Variants in BIRC6 observed in about 807,000 individuals in gnomAD.
BIRC6 encodes the protein dual E2 ubiquitin-conjugating enzyme/E3 ubiquitin-protein ligase BIRC6.
BIRC6 carries 98 observed loss-of-function variants against 503.3 expected under a neutral mutation model. The ratio of observed to expected loss-of-function variants is 0.19; its 90% confidence interval spans 0.17 to 0.23. The LOEUF is 0.23. Among genes scored for constraint, BIRC6 ranks in the 10% least tolerant of loss-of-function variants. The pLI is 1.00. For missense variants in BIRC6, 5,360 were observed against 5,806.0 expected, an observed-to-expected ratio of 0.92 and a Z score of 2.50; for synonymous variants, 2,240 against 2,078.7, an observed-to-expected ratio of 1.08 and a Z score of -2.11.
chr2:32,426,113 G>A (rs912043502), intron 10 of BIRC6, among the ~76,000 whole-genome samples: 22 of 152,236 alleles, frequency 1.4e-4, no homozygotes, highest in African/African-American at 5.3e-4. Context: ...TTCCTACTCT[G>A]CCATTTGGCA....
At chr2:32,485,000 A>T (rs2050833715) in intron 39 of BIRC6, among the ~76,000 whole-genome samples, 2 of 152,288 alleles carry the variant, frequency 1.3e-5, no homozygotes, top group South Asian at 4.1e-4. Flanking sequence ...CTCTGGCAAA[A>T]CATGATAGCC....
At chr2:32,460,998 C>CTTCTCTTCTCTTCTCT (rs1558788701) in intron 23 of BIRC6, among the ~76,000 whole-genome samples, 92 of 88,736 alleles carry the variant, frequency 1.0e-3, no homozygotes, top group Non-Finnish European at 1.8e-3. Context: ...CTCTGCTCTG[C>CTTCTCTTCTCTTCTCT]TCTCTTCTCT....
At chr2:32,407,958 T>G (rs1018051105) in intron 9 of BIRC6, among the ~76,000 whole-genome samples, 1 of 152,052 alleles carries the variant, frequency 6.6e-6, no homozygotes, top group Non-Finnish European at 1.5e-5. Flanking sequence ...ACATTTTCTT[T>G]CTTTGTTTCT....
chr2:32,551,385 C>T (rs926898079), intron 65 of BIRC6, among the ~76,000 whole-genome samples: 6 of 152,120 alleles, frequency 3.9e-5, no homozygotes, highest in Non-Finnish European at 7.4e-5. Context: ...CAGGTTCAAG[C>T]AATTCTCCTG....
chr2:32,471,135 G>A lies in BIRC6; in HGVS notation c.6592+11G>A, dbSNP rs1020124303. On this transcript the variant is annotated intron_variant, in intron 32 of 73. Coordinates refer to ENST00000421745, the MANE Select transcript of BIRC6 (RefSeq NM_016252.4). ...AGAAACCTTTGAATGGTAAAGACAG[G>A]GAGAGGTTTCTGACAGGTATCAGAA... 2.6e-6 allele frequency: 4 copies of A among 1,557,378 alleles called. No individual in the cohort carries two copies. The African/African-American group carries it at 5.4e-5, about 21-fold the overall frequency.
chr2:32,428,080 G>A (rs938914007), intron 10 of BIRC6, among the ~76,000 whole-genome samples: 3 of 152,188 alleles, frequency 2.0e-5, no homozygotes, highest in Non-Finnish European at 4.4e-5. Context: ...GATAGGTTTG[G>A]TGTCCAAATA....
At position 32,488,588 on chromosome 2, in the gene BIRC6, T is replaced by C. The variant is rs1468406689; in HGVS notation, c.7969T>C (p.Leu2657=). 2.6e-6 allele frequency: 4 copies of C among 1,518,406 alleles called. No individual in the cohort carries two copies. The highest frequency in any genetic ancestry group is 1.3e-5 in the South Asian group (1 of 78,700). 94.1% of individuals were successfully genotyped at this position (1,518,406 alleles called of 1,614,324 possible). Residue 2657 remains leucine (L), a splice_region_variant and synonymous_variant, in exon 42 of 74, where the codon TTG becomes CTG. Coordinates refer to ENST00000421745, the MANE Select transcript of BIRC6 (RefSeq NM_016252.4). ...FSMLQVHHVQ[L]ESLLQLWLTL... ...CCTGTTGATTTTCATTCTTTTTCAG[T>C]TGGAGTCACTTCTCCAATTGTGGCT... is the stretch of plus-strand genomic sequence containing the variant.
intron 1 of BIRC6, among the ~76,000 whole-genome samples, chr2:32,372,875 A>G (rs565918867): frequency 1.4e-4 from 22 of 152,298 alleles, no homozygotes; most frequent in South Asian, 2.1e-4. Context: ...GGTGTTTTCA[A>G]TGTTTGATGA....
chr2:32,458,164 CT>C (rs1159987970), intron 23 of BIRC6, among the ~76,000 whole-genome samples: 1 of 152,052 alleles, frequency 6.6e-6, no homozygotes, highest in African/African-American at 2.4e-5. Context: ...CTTATTATTG[CT>C]TTTTAAAGGT....
At chr2:32,477,217 A>G in intron 34 of BIRC6, 151 bp from the exon 35 acceptor site, 1 of 655,766 alleles carries the variant, frequency 1.5e-6, no homozygotes, top group Non-Finnish European at 2.6e-6. Flanking sequence ...TTAGCTTTTA[A>G]TATTCTTACT....
intron 72 of BIRC6, among the ~76,000 whole-genome samples, chr2:32,610,570 T>G (rs1056581327): frequency 6.6e-6 from 1 of 152,246 alleles, no homozygotes; most frequent in Non-Finnish European, 1.5e-5. Flanking sequence ...GAGTTATCTT[T>G]TAAAGGCAGA....
intron 44 of BIRC6, 48 bp from the exon 45 acceptor site, chr2:32,493,492 T>C: frequency 6.7e-7 from 1 of 1,499,994 alleles, no homozygotes; most frequent in African/African-American, 1.4e-5. Flanking sequence ...AATGATTTTT[T>C]ACATGTTACC....
intron 10 of BIRC6, among the ~76,000 whole-genome samples, chr2:32,428,724 T>C (rs1329406846): frequency 3.3e-5 from 5 of 152,196 alleles, no homozygotes; most frequent in African/African-American, 1.2e-4. Context: ...GTGAATGCTT[T>C]AAAAAATAAG....
At chr2:32,484,385 C>G (rs75396380) in intron 39 of BIRC6, among the ~76,000 whole-genome samples, 49 of 152,040 alleles carry the variant, frequency 3.2e-4, no homozygotes, top group Non-Finnish European at 5.6e-4. Context: ...AACCCCATCT[C>G]TACTACAAAT....
In BIRC6 at chr2:32,512,529, TA is replaced by T. The variant is rs34700690; in HGVS notation, c.10347-396del. 8.9e-3 allele frequency among the ~76,000 whole-genome samples: 1,349 copies of T among 152,060 alleles called. 10 individuals are homozygous for T. Among genetic ancestry groups the T allele is most frequent in the Middle Eastern group, 0.031 (9 of 294 alleles). Reference sequence around the variant, plus strand: ...ATTTCCATCTTATAAAAATTATACTTAAAAAAAATATGTAAGTGTTGAGAGT... The same window carrying T: ...ATTTCCATCTTATAAAAATTATACTTAAAAAAATATGTAAGTGTTGAGAGT... On this transcript the variant is annotated intron_variant, in intron 53 of 73. Transcript: ENST00000421745.
At position 32,532,204 on chromosome 2, in the gene BIRC6, A is replaced by G. The variant is rs751373047; in HGVS notation, c.12291+653A>G. 1.9e-5 allele frequency: 10 copies of G among 526,312 alleles called. No individual in the cohort carries two copies. In the Middle Eastern group the frequency reaches 3.8e-3, roughly 200 times the overall value. 32.6% of individuals were successfully genotyped at this position (526,312 alleles called of 1,614,324 possible). A position where few individuals can be genotyped will look rare whatever the true frequency, so the allele number is the denominator to read the frequency against. On this transcript the variant is annotated intron_variant, in intron 61 of 73. Transcript: ENST00000421745. ...TGGTATAGTAGCTCTAGACTCTATT[A>G]TAGTTTCCTGAGCTGCTGTACCAAA...
intron 66 of BIRC6, among the ~76,000 whole-genome samples, chr2:32,576,607 G>A (rs1453090172): frequency 6.6e-6 from 1 of 152,032 alleles, no homozygotes; most frequent in Non-Finnish European, 1.5e-5. Context: ...AAGAACCTAT[G>A]ACTTAAGAAA....
chr2:32,385,962 A>G (rs1046701272), intron 3 of BIRC6, among the ~76,000 whole-genome samples: 3 of 152,138 alleles, frequency 2.0e-5, no homozygotes, highest in African/African-American at 7.2e-5. Flanking sequence ...AAACTTAACC[A>G]TGGTTGCAGA....
intron 49 of BIRC6, among the ~76,000 whole-genome samples, chr2:32,504,730 G>C (rs1475223324): frequency 2.0e-5 from 3 of 151,836 alleles, no homozygotes; most frequent in Non-Finnish European, 4.4e-5. Context: ...AAATTATTGA[G>C]CTACGTTTAT....
Sources: gnomAD v4.1 joint callset for allele counts (sites outside exome capture counted in the v4.1 genomes callset) on GRCh38, gnomAD v4.1.1 for gene constraint, MANE v1.5 for transcripts, NCBI Gene and HGNC (gene_info 2026-07-23, HGNC 2026-07-21) for gene names.